ATM: variants seen among roughly 807,000 people sequenced by gnomAD.
The protein encoded by ATM is ATM serine/threonine kinase.
Under a neutral mutation model 387.0 loss-of-function variants are expected in ATM, and 308 were observed. That is an observed-to-expected ratio of 0.80 (90% confidence interval 0.73 to 0.87). The LOEUF (loss-of-function observed/expected upper bound fraction) is 0.87. ATM is among the 40% of genes least tolerant of loss of function. ATM has a pLI of 0.00. For synonymous variants in ATM, 1,156 were observed against 1,187.3 expected (o/e 0.97, Z 0.54); for missense variants, 3,312 against 3,560.9 (o/e 0.93, Z 1.78).
chr11:108,329,150 T>C lies in ATM; in HGVS notation c.7219T>C (p.Ser2407Pro), dbSNP rs1565526951. The change falls in exon 49 of 63, where the codon TCA becomes CCA. Residue 2407 changes from serine to proline, a missense_variant. By Grantham distance (74) the Ser-to-Pro change is moderately conservative. Around this residue, in one of 4 missense-constraint regions of ATM, gnomAD observed 1,405 missense variants for 1,604.4 expected, o/e 0.88. Coordinates refer to ENST00000675843, the MANE Select transcript of ATM (RefSeq NM_000051.4). ...QYQRIENYMKSSEFENKQALL... is the reference protein window; with the variant it reads ...QYQRIENYMKPSEFENKQALL... ...CCAAAGAATTGAAAACTACATGAAA[T>C]CATCGGAATTTGAAAACAAGCAAGC... The C allele has an allele frequency of 6.2e-7, 1 of 1,614,002 alleles. No individual in the cohort carries two copies. Among genetic ancestry groups the C allele is most frequent in the Non-Finnish European group, 8.5e-7 (1 of 1,179,986 alleles).
At chr11:108,331,602 A>G (rs756966067) in intron 51 of ATM, 45 bp downstream of exon 51, 4 of 1,480,056 alleles carry the variant, frequency 2.7e-6, no homozygotes, top group Middle Eastern at 2.4e-4. Flanking sequence ...TTTTTATTCT[A>G]TTATTACTAT....
At chr11:108,247,605 T>A (rs1403843877) in intron 8 of ATM, among the ~76,000 whole-genome samples, 1 of 152,202 alleles carries the variant, frequency 6.6e-6, no homozygotes, top group Non-Finnish European at 1.5e-5. Context: ...ATTTTATTTT[T>A]ATTTTTTTGA....
At chr11:108,254,622 C>T (rs959125051) in intron 13 of ATM, among the ~76,000 whole-genome samples, 4 of 152,110 alleles carry the variant, frequency 2.6e-5, no homozygotes, top group African/African-American at 7.2e-5. Context: ...TCCTTGCTAA[C>T]GCCTTTCTTA....
At position 108,317,470 on chromosome 11, in the gene ATM, A is replaced by G. The variant is rs587782802; in HGVS notation, c.6296A>G (p.His2099Arg). ...KDWCPELEEL[H>R]YQAAWRNMQW... The stretch of plus-strand genomic sequence containing the variant: ...TGGTGTCCTGAACTAGAAGAACTTC[A>G]TTACCAAGCAGCATGGAGGAATATG... Residue 2099 changes from histidine to arginine, a missense_variant, in exon 43 of 63, where the codon CAT (histidine) becomes CGT (arginine). His to Arg is a conservative substitution (Grantham distance 29). Coordinates refer to ENST00000675843, the MANE Select transcript of ATM (RefSeq NM_000051.4). The G allele has an allele frequency of 6.2e-7, 1 of 1,612,234 alleles. No individual in the cohort carries two copies. Among genetic ancestry groups the G allele is most frequent in the Admixed American group, 1.7e-5 (1 of 59,878 alleles).
rs377244521 is a variant in ATM, at chr11:108,271,330, C to G, written c.3001C>G (p.Leu1001Val). 1.2e-6 allele frequency: 2 copies of G among 1,613,622 alleles called. No individual in the cohort carries two copies. The highest frequency in any genetic ancestry group is 1.7e-6 in the Non-Finnish European group (2 of 1,179,970). ...LNHVLHVVKN[L>V]GQSNMDSENT... ...CCATGTCCTTCATGTAGTGAAAAAC[C>G]TAGGTCAAAGCAATATGGACTCTGA... is the stretch of plus-strand genomic sequence containing the variant. The change falls in exon 20 of 63, where the codon CTA becomes GTA. Residue 1001 changes from leucine (L) to valine (V), a missense_variant. This residue lies in a region of ATM where 1,791 missense variants were observed against 1,804.5 expected (regional missense o/e 0.99). Coordinates refer to ENST00000675843, the MANE Select transcript of ATM (RefSeq NM_000051.4).
At chr11:108,356,002 A>C (rs2089871360) in intron 61 of ATM, 1 of 152,234 alleles carries the variant, frequency 6.6e-6, no homozygotes, top group South Asian at 2.1e-4. Flanking sequence ...TGGTAAAATT[A>C]AATCCAAGGC....
At chr11:108,295,229 A>G (rs2083057081) in intron 32 of ATM, 170 bp downstream of exon 32, 1 of 770,244 alleles carries the variant, frequency 1.3e-6, no homozygotes, top group Admixed American at 2.3e-5. Context: ...TGGTCTTCTC[A>G]CCCTGAACTC....
At chr11:108,257,362 C>T in intron 14 of ATM, 119 bp from the exon 15 acceptor site, 2 of 1,226,914 alleles carry the variant, frequency 1.6e-6, no homozygotes, top group Admixed American at 2.4e-5. Context: ...TTCATTTTTT[C>T]TCTTAAGTGC....
chr11:108,269,059 C>CA (rs2135531573), intron 18 of ATM, among the ~76,000 whole-genome samples: 1 of 152,328 alleles, frequency 6.6e-6, no homozygotes, highest in East Asian at 1.9e-4. Flanking sequence ...TCTCCACACA[C>CA]ACACTCATAC....
chr11:108,228,020 A>T, intron 3 of ATM, 132 bp downstream of exon 3: 3 of 730,082 alleles, frequency 4.1e-6, no homozygotes, highest in Non-Finnish European at 6.6e-6. Context: ...TTGCATATGA[A>T]TTTGGCATTT....
At chr11:108,280,875 G>C in intron 23 of ATM, 120 bp from the exon 24 acceptor site, 1 of 836,714 alleles carries the variant, frequency 1.2e-6, no homozygotes, top group South Asian at 1.7e-5. Context: ...GGATTAGTGA[G>C]TAGGAGGTTT....
rs1060504275 is a variant in ATM, at chr11:108,251,885, A to G, written c.1656A>G (p.Pro552=). The change falls in exon 11 of 63, where the codon CCA becomes CCG. Residue 552 remains proline, a synonymous_variant. Coordinates refer to ENST00000675843, the MANE Select transcript of ATM (RefSeq NM_000051.4). ...TGGCACTGACCACCAGTATAGTTCCAGGAACGGTAAAAATGGGAATAGAGC... is the reference window on the plus strand; with the variant it reads ...TGGCACTGACCACCAGTATAGTTCCGGGAACGGTAAAAATGGGAATAGAGC... ...LTLALTTSIV[P]GTVKMGIEQN... is the part of the protein sequence containing the mutation. 6.2e-7 allele frequency: 1 copy of G among 1,613,848 alleles called. No homozygotes were observed. Among genetic ancestry groups the G allele is most frequent in the Non-Finnish European group, 8.5e-7 (1 of 1,179,846 alleles).
intron 61 of ATM, among the ~76,000 whole-genome samples, chr11:108,356,450 C>T (rs1340987740): frequency 3.3e-5 from 5 of 150,660 alleles, no homozygotes; most frequent in Admixed American, 6.6e-5. Context: ...GCAGGAGAAT[C>T]GCTTGAACCC....
intron 61 of ATM, chr11:108,355,611 T>G (rs2089811881): frequency 6.6e-6 from 1 of 152,292 alleles, no homozygotes; most frequent in Admixed American, 6.5e-5. Flanking sequence ...ACTTTTCCAC[T>G]ACTCAGCTTT....
chr11:108,327,393 C>A (rs534110415), intron 47 of ATM: 1 of 429,488 alleles, frequency 2.3e-6, no homozygotes, highest in African/African-American at 2.0e-5. Flanking sequence ...TACAAAGTGT[C>A]TGACATATAT....
chr11:108,332,335 G>A (rs2086352535), intron 52 of ATM, among the ~76,000 whole-genome samples: 1 of 152,096 alleles, frequency 6.6e-6, no homozygotes, highest in South Asian at 2.1e-4. Context: ...GGGAGGCTGA[G>A]GCAGGAGAAT....
At chr11:108,228,696 A>G (rs2078860114) in intron 3 of ATM, among the ~76,000 whole-genome samples, 1 of 152,238 alleles carries the variant, frequency 6.6e-6, no homozygotes. Context: ...TACCACAAAT[A>G]TAATTACAAC....
At chr11:108,256,454 C>T in intron 14 of ATM, 114 bp downstream of exon 14, 2 of 1,083,770 alleles carry the variant, frequency 1.8e-6, no homozygotes, top group Admixed American at 2.1e-5. Context: ...AACCCTTTCT[C>T]TTTTATTTAT....
In ATM at chr11:108,327,636, C is replaced by A; in HGVS notation, c.6976-9C>A. On this transcript the variant is annotated splice_polypyrimidine_tract_variant and intron_variant, in intron 47 of 62. Transcript: ENST00000675843. ...CATTATATTTTAAGATTTTGCCTTTCTTATACAGAACAATCCCAGCCTAAA... is the reference window on the plus strand; with the variant it reads ...CATTATATTTTAAGATTTTGCCTTTATTATACAGAACAATCCCAGCCTAAA... The A allele has an allele frequency of 1.9e-6, 3 of 1,609,516 alleles. No individual in the cohort carries two copies. The highest frequency in any genetic ancestry group is 2.6e-6 in the Non-Finnish European group (3 of 1,176,276).
Sources: allele counts gnomAD v4.1 joint callset (sites outside exome capture counted in the v4.1 genomes callset), GRCh38; gene constraint gnomAD v4.1.1; regional missense constraint gnomAD v4.1.1; transcripts MANE v1.5; gene names NCBI Gene and HGNC (gene_info 2026-07-23, HGNC 2026-07-21).